Variants in TAGAP observed in about 807,000 individuals in gnomAD.
TAGAP encodes the protein T cell activation RhoGTPase activating protein.
In TAGAP, 16 loss-of-function variants were observed where a neutral mutation model predicts 36.0. The ratio of observed to expected loss-of-function variants is 0.44; its 90% CI spans 0.30 to 0.68. The LOEUF is 0.68. Ranked by LOEUF, TAGAP falls within the 30% of genes least tolerant of loss-of-function variation. TAGAP has a pLI of 0.09. For missense variants in TAGAP, 794 were observed against 921.5 expected, an observed-to-expected ratio of 0.86 and a Z score of 1.79; for synonymous variants, 372 against 377.4, an observed-to-expected ratio of 0.99 and a Z score of 0.17.
Position 159,036,406 on chromosome 6 carries a change from G to A in TAGAP, c.1617C>T (p.Val539=). Residue 539 remains valine, a synonymous_variant, in exon 10 of 10, where the codon GTC becomes GTT. Transcript: ENST00000367066. The surrounding 1 kb of genome is among the most constrained non-coding windows in gnomAD (Gnocchi z 4.9). ...GGCTTTCCTTTCTGACACCCCTCGGGACGTGGTCCCTGGTAAAGTCTTGCG... is the reference window on the plus strand; with the variant it reads ...GGCTTTCCTTTCTGACACCCCTCGGAACGTGGTCCCTGGTAAAGTCTTGCG... The part of the protein sequence containing the change: ...GKSQDFTRDH[V]PRGVRKESQL... The A allele has an allele frequency of 6.2e-7, 1 of 1,614,182 alleles. No individual in the cohort carries two copies. The highest frequency in any genetic ancestry group is 1.1e-5 in the South Asian group (1 of 91,082).
intron 3 of TAGAP, 55 bp downstream of exon 3, chr6:159,043,923 A>C: frequency 6.7e-7 from 1 of 1,501,726 alleles, no homozygotes; most frequent in Non-Finnish European, 9.1e-7. Flanking sequence ...AATTAAAACA[A>C]AGTTTTCCAC....
Position 159,039,216 on chromosome 6 carries a change from C to A in TAGAP, c.681G>T (p.Arg227Ser). The change falls in exon 8 of 10, where the codon AGG becomes AGT. Residue 227 changes from arginine (R) to serine (S), a missense_variant. Coordinates refer to ENST00000367066, the MANE Select transcript of TAGAP (RefSeq NM_054114.5). ...AGATGGCCAGATTGCTGGAGTCCAT[C>A]CTGTTCACCTCAGAGTTCTTGCTGA... ...HLISKNSEVNRMDSSNLAICI... is the reference protein window; with the variant it reads ...HLISKNSEVNSMDSSNLAICI... 1 of 1,614,178 alleles carries A rather than the reference C, an allele frequency of 6.2e-7. No homozygotes were observed. Among genetic ancestry groups the A allele is most frequent in the Non-Finnish European group, 8.5e-7 (1 of 1,180,036 alleles).
At position 159,036,801 on chromosome 6, in the gene TAGAP, G is replaced by A. The variant is rs748117200; in HGVS notation, c.1222C>T (p.Arg408Trp). 10 of 1,614,226 alleles carry A rather than the reference G, an allele frequency of 6.2e-6. No homozygotes were observed. Among genetic ancestry groups the A allele is most frequent in the Non-Finnish European group, 8.5e-6 (10 of 1,180,034 alleles). The change falls in exon 10 of 10, where the codon CGG becomes TGG. Residue 408 changes from arginine (R) to tryptophan (W), a missense_variant. Coordinates refer to ENST00000367066, the MANE Select transcript of TAGAP (RefSeq NM_054114.5). The surrounding 1 kb of genome is among the most constrained non-coding windows in gnomAD (Gnocchi z 4.9). The stretch of plus-strand genomic sequence containing the variant: ...TCACTTTCCAAACGAGAGCCTACCC[G>A]GGGCACGGGGAAGTCCCCTTCACTC... Reference protein sequence around the residue: ...TKSEGDFPVPRVGSRLESEEA... With the variant: ...TKSEGDFPVPWVGSRLESEEA...
chr6:159,042,472 A>G, intron 4 of TAGAP: 1 of 853,344 alleles, frequency 1.2e-6, no homozygotes, highest in Non-Finnish European at 1.7e-6. Flanking sequence ...CCTAAACAGC[A>G]ACACCAGAGT....
rs1002800336 is a variant in TAGAP, at chr6:159,044,991, C to G, written c.-171G>C. The stretch of plus-strand genomic sequence containing the variant: ...CCACTGGGAGAGAGAGAGACCGAGC[C>G]GGTCTCCCTTCACATGCTCTGCATT... On this transcript the variant is annotated 5_prime_UTR_variant, in exon 1 of 10. Coordinates refer to ENST00000367066, the MANE Select transcript of TAGAP (RefSeq NM_054114.5). 1 of 398,186 alleles carries G rather than the reference C, an allele frequency of 2.5e-6. No individual in the cohort carries two copies. Among genetic ancestry groups the G allele is most frequent in the African/African-American group, 2.1e-5 (1 of 48,526 alleles). The allele number at this position is 398,186 out of a possible 1,614,324, so 24.7% of individuals were successfully genotyped here. A position where few individuals can be genotyped will look rare whatever the true frequency, so the allele number is the denominator to read the frequency against.
intron 8 of TAGAP, among the ~76,000 whole-genome samples, chr6:159,038,637 G>A (rs1779641331): frequency 6.6e-6 from 1 of 152,022 alleles, no homozygotes; most frequent in Non-Finnish European, 1.5e-5. Context: ...CAATTCGCCT[G>A]CCTCGGCCTC....
chr6:159,037,188 G>A lies in TAGAP; in HGVS notation c.899-64C>T. 1 of 1,353,640 alleles carries A rather than the reference G, an allele frequency of 7.4e-7. No homozygotes were observed. Among genetic ancestry groups the A allele is most frequent in the Non-Finnish European group, 9.7e-7 (1 of 1,033,616 alleles). 83.9% of individuals were successfully genotyped at this position (1,353,640 alleles called of 1,614,324 possible). On this transcript the variant is annotated intron_variant, in intron 9 of 9. Transcript: ENST00000367066. The surrounding 1 kb of genome is among the most constrained non-coding windows in gnomAD (Gnocchi z 5.1). ...TTTATTTATTTATTTATTTTTATTT[G>A]TATTTTTTATTTTCATTTTTTGAGA...
chr6:159,036,869 T>A lies in TAGAP; in HGVS notation c.1154A>T (p.Gln385Leu). Reference sequence around the variant, plus strand: ...TGTCACCCGGCTCTCGAGGCACTCCTGGGAGGATGGCATGCTGGGCTCTGA... The same window carrying A: ...TGTCACCCGGCTCTCGAGGCACTCCAGGGAGGATGGCATGCTGGGCTCTGA... ...RYSEPSMPSS[Q>L]ECLESRVTNQ... Residue 385 changes from glutamine to leucine, a missense_variant, in exon 10 of 10, where the codon CAG becomes CTG. By Grantham distance (113) the Gln-to-Leu change is moderately radical. Transcript: ENST00000367066. This position sits in a 1 kb window ranked among gnomAD's most constrained non-coding sequence, Gnocchi z 4.9. 5 of 1,614,228 alleles carry A rather than the reference T, an allele frequency of 3.1e-6. No individual in the cohort carries two copies. The highest frequency in any genetic ancestry group is 4.2e-6 in the Non-Finnish European group (5 of 1,180,034).
chr6:159,037,184 A>T lies in TAGAP; in HGVS notation c.899-60T>A, dbSNP rs1387247817. 3 of 1,368,822 alleles carry T rather than the reference A, an allele frequency of 2.2e-6. No homozygotes were observed. Among genetic ancestry groups the T allele is most frequent in the African/African-American group, 1.5e-5 (1 of 65,488 alleles). 84.8% of individuals were successfully genotyped at this position (1,368,822 alleles called of 1,614,324 possible). A position where few individuals can be genotyped will look rare whatever the true frequency, so the allele number is the denominator to read the frequency against. On this transcript the variant is annotated intron_variant, in intron 9 of 9. Coordinates refer to ENST00000367066, the MANE Select transcript of TAGAP (RefSeq NM_054114.5). The surrounding 1 kb of genome is among the most constrained non-coding windows in gnomAD (Gnocchi z 5.1). ...TGGGTTTATTTATTTATTTATTTTT[A>T]TTTGTATTTTTTATTTTCATTTTTT... is the stretch of plus-strand genomic sequence containing the variant.
rs750932465 is a variant in TAGAP, at chr6:159,035,986, A to G, written c.2037T>C (p.Ser679=). 5 of 1,613,994 alleles carry G rather than the reference A, an allele frequency of 3.1e-6. No individual in the cohort carries two copies. The East Asian group carries it at 8.9e-5, about 29-fold the overall frequency. Residue 679 remains serine (S), a synonymous_variant, in exon 10 of 10, where the codon TCT becomes TCC. Transcript: ENST00000367066. The part of the protein sequence containing the change: ...QSRTVHASGD[S]LGHVSGPGRP... ...TCCCTGGGCCAGACACGTGCCCCAG[A>G]GAGTCCCCAGAAGCATGGACAGTTC...
In TAGAP at chr6:159,039,095, A is replaced by G; in HGVS notation, c.783+19T>C. 1.2e-6 allele frequency: 2 copies of G among 1,613,990 alleles called. No individual in the cohort carries two copies. The highest frequency in any genetic ancestry group is 1.7e-6 in the Non-Finnish European group (2 of 1,179,822). ...TGAGATCATAAGTTGGGGATTTCTC[A>G]TCAGTAAGCAGAACAAACCTTGTTG... On this transcript the variant is annotated intron_variant, in intron 8 of 9. Coordinates refer to ENST00000367066, the MANE Select transcript of TAGAP (RefSeq NM_054114.5).
intron 4 of TAGAP, 161 bp from the exon 5 acceptor site, chr6:159,042,405 C>A (rs1779788852): frequency 7.1e-7 from 1 of 1,407,644 alleles, no homozygotes; most frequent in African/African-American, 1.4e-5. Context: ...GGGCGTGAAT[C>A]TTAATCTAGA....
chr6:159,035,956 A>C lies in TAGAP; in HGVS notation c.2067T>G (p.Pro689=). Residue 689 remains proline (P), a synonymous_variant, in exon 10 of 10, where the codon CCT becomes CCG. Coordinates refer to ENST00000367066, the MANE Select transcript of TAGAP (RefSeq NM_054114.5). ...SLGHVSGPGR[P]ELLPLRTVSE... ...AGACGGTCCTCAGCGGGAGGAGCTCAGGTCTCCCTGGGCCAGACACGTGCC... is the reference window on the plus strand; with the variant it reads ...AGACGGTCCTCAGCGGGAGGAGCTCCGGTCTCCCTGGGCCAGACACGTGCC... 1.2e-6 allele frequency: 2 copies of C among 1,614,166 alleles called. No individual in the cohort carries two copies. The highest frequency in any genetic ancestry group is 1.7e-6 in the Non-Finnish European group (2 of 1,180,004).
intron 4 of TAGAP, 88 bp from the exon 5 acceptor site, chr6:159,042,332 C>T (rs878934797): frequency 1.8e-5 from 28 of 1,530,538 alleles, no homozygotes; most frequent in Middle Eastern, 2.3e-4. Context: ...TATCGTTGGC[C>T]GCATAATGTG....
At position 159,042,128 on chromosome 6, in the gene TAGAP, G is replaced by T; in HGVS notation, c.265C>A (p.Pro89Thr). 1.2e-6 allele frequency: 2 copies of T among 1,614,210 alleles called. No individual in the cohort carries two copies. Among genetic ancestry groups the T allele is most frequent in the Non-Finnish European group, 1.7e-6 (2 of 1,180,040 alleles). Residue 89 changes from proline (P) to threonine (T), a missense_variant, in exon 5 of 10, where the codon CCC becomes ACC. Physicochemically the swap from Pro to Thr is conservative, Grantham distance 38. Transcript: ENST00000367066. ...TDLKASLFDQ[P>T]LSIICGDSDT... ...CTGTCACCGCAGATAATTGACAAGG[G>T]CTGATCAAATAGCGATGCTTTCAAG...
At position 159,036,667 on chromosome 6, in the gene TAGAP, C is replaced by G. The variant is rs560834483; in HGVS notation, c.1356G>C (p.Pro452=). ...AGAAGGCTTTGAGAACCAGTGCCCG[C>G]GGGAGCACCGAACCCGGGGCCAAGT... The part of the protein sequence containing the change: ...IKNLAPGSVL[P]RALVLKAFSS... Residue 452 remains proline (P), a synonymous_variant, in exon 10 of 10, where the codon CCG becomes CCC. Transcript: ENST00000367066. The surrounding 1 kb of genome is among the most constrained non-coding windows in gnomAD (Gnocchi z 4.9). 1 of 1,613,968 alleles carries G rather than the reference C, an allele frequency of 6.2e-7. No homozygotes were observed. Among genetic ancestry groups the G allele is most frequent in the East Asian group, 2.2e-5 (1 of 44,860 alleles).
Position 159,042,202 on chromosome 6 carries a change from A to G in TAGAP, c.191T>C (p.Met64Thr). The change falls in exon 5 of 10, where the codon ATG becomes ACG. Residue 64 changes from methionine (M) to threonine (T), a missense_variant. Met to Thr is a moderately conservative substitution (Grantham distance 81). Transcript: ENST00000367066. Reference sequence around the variant, plus strand: ...ATCTGATGCAGGGGAGAGCCTTCTCATGAGAAAGGGCCAGGACAGCACCTT... The same window carrying G: ...ATCTGATGCAGGGGAGAGCCTTCTCGTGAGAAAGGGCCAGGACAGCACCTT... The part of the protein sequence containing the change: ...RKKVLSWPFL[M>T]RRLSPASDFS... 1.2e-6 allele frequency: 2 copies of G among 1,614,194 alleles called. No individual in the cohort carries two copies. Among genetic ancestry groups the G allele is most frequent in the Non-Finnish European group, 1.7e-6 (2 of 1,180,018 alleles).
rs1164929902 is a variant in TAGAP, at chr6:159,041,997, G to A, written c.315+81C>T. The A allele has an allele frequency of 4.1e-6, 6 of 1,471,470 alleles. No homozygotes were observed. The East Asian group carries it at 1.4e-4, about 34-fold the overall frequency. 91.2% of individuals were successfully genotyped at this position (1,471,470 alleles called of 1,614,324 possible). A position where few individuals can be genotyped will look rare whatever the true frequency, so the allele number is the denominator to read the frequency against. On this transcript the variant is annotated intron_variant, in intron 5 of 9. Transcript: ENST00000367066. The surrounding 1 kb of genome is among the most constrained non-coding windows in gnomAD (Gnocchi z 4.1). Reference sequence around the variant, plus strand: ...AGATCAGTCCCTACAAACTTAATAGGAGAATGACATTCAGATTTCCCGAGT... The same window carrying A: ...AGATCAGTCCCTACAAACTTAATAGAAGAATGACATTCAGATTTCCCGAGT...
chr6:159,044,320 T>A, intron 1 of TAGAP, 116 bp from the exon 2 acceptor site: 1 of 607,462 alleles, frequency 1.6e-6, no homozygotes, highest in Non-Finnish European at 2.7e-6. Flanking sequence ...TCTTTTGCTA[T>A]TTTTTCACTT....
Sources: allele counts gnomAD v4.1 joint callset (sites outside exome capture counted in the v4.1 genomes callset), GRCh38; gene constraint gnomAD v4.1.1; non-coding constraint Gnocchi (gnomAD v3.1); transcripts MANE v1.5; gene names NCBI Gene and HGNC (gene_info 2026-07-23, HGNC 2026-07-21).